The following MIS18A variants were observed in gnomAD, a reference collection of about 807,000 sequenced individuals.
The protein encoded by MIS18A is protein Mis18-alpha.
Under a neutral mutation model 25.0 loss-of-function variants are expected in MIS18A, and 14 were observed. The ratio of observed to expected loss-of-function variants is 0.56; its 90% CI spans 0.37 to 0.88. The LOEUF (loss-of-function observed/expected upper bound fraction) is 0.88. Ranked by LOEUF, MIS18A falls within the 40% of genes least tolerant of loss-of-function variation. The pLI, the probability that MIS18A is intolerant of heterozygous loss-of-function variation, is 0.00. For missense variants in MIS18A, 292 were observed against 290.8 expected (o/e 1.00, Z -0.03); for synonymous variants, 134 against 118.6 (o/e 1.13, Z -0.84).
chr21:32,254,813 C>T, the MIS18A span, among the ~76,000 whole-genome samples: 1 of 152,128 alleles, frequency 6.6e-6, no homozygotes, highest in Non-Finnish European at 1.5e-5. Context: ...CCACCAAATT[C>T]ACACAATCCA....
chr21:32,252,206 A>G, the MIS18A span, among the ~76,000 whole-genome samples: 15 of 105,098 alleles, frequency 1.4e-4, no homozygotes, highest in South Asian at 3.2e-4. Flanking sequence ...AGAGGAGGAG[A>G]AGAAGAAGAA....
the MIS18A span, among the ~76,000 whole-genome samples, chr21:32,165,507 A>G: frequency 0.029 from 4,361 of 151,922 alleles, 194 homozygotes; most frequent in African/African-American, 0.098. Context: ...GGCATGACAC[A>G]GCTCTGTAAA....
chr21:32,204,897 A>T, the MIS18A span, among the ~76,000 whole-genome samples: 1 of 152,154 alleles, frequency 6.6e-6, no homozygotes, highest in African/African-American at 2.4e-5. Context: ...AAACAAACAA[A>T]CATGTAATTT....
the MIS18A span, among the ~76,000 whole-genome samples, chr21:32,194,955 G>A: frequency 6.6e-6 from 1 of 152,098 alleles, no homozygotes; most frequent in Non-Finnish European, 1.5e-5. Flanking sequence ...TACCGTGTTC[G>A]GGTGATCCTG....
At chr21:32,195,293 A>C in the MIS18A span, among the ~76,000 whole-genome samples, 1 of 152,198 alleles carries the variant, frequency 6.6e-6, no homozygotes, top group African/African-American at 2.4e-5. Context: ...GGCACTATTC[A>C]TATTACTGAG....
At chr21:32,155,327 A>C in the MIS18A span, among the ~76,000 whole-genome samples, 3 of 152,018 alleles carry the variant, frequency 2.0e-5, no homozygotes, top group African/African-American at 7.2e-5. Context: ...TACAAATTGT[A>C]CATGCCCACC....
chr21:32,251,285 G>T, the MIS18A span, among the ~76,000 whole-genome samples: 23 of 152,174 alleles, frequency 1.5e-4, no homozygotes, highest in Non-Finnish European at 2.9e-4. Flanking sequence ...TGAGAAAACA[G>T]TATTTTGGGA....
chr21:32,239,360 G>C, the MIS18A span, among the ~76,000 whole-genome samples: 51 of 152,266 alleles, frequency 3.3e-4, 2 homozygotes, highest in African/African-American at 1.2e-3. Flanking sequence ...AAAGTGGAAA[G>C]CATTTATGCA....
chr21:32,182,512 A>C, the MIS18A span, among the ~76,000 whole-genome samples: 1 of 152,286 alleles, frequency 6.6e-6, no homozygotes, highest in Non-Finnish European at 1.5e-5. Flanking sequence ...CTCTGTAGAC[A>C]ATATCCATTT....
At chr21:32,205,055 A>C in the MIS18A span, among the ~76,000 whole-genome samples, 2 of 145,372 alleles carry the variant, frequency 1.4e-5, no homozygotes, top group African/African-American at 5.1e-5. Context: ...GCCTTTGCCT[A>C]CCTCAGTGAC....
chr21:32,164,790 G>A, the MIS18A span, among the ~76,000 whole-genome samples: 1 of 152,072 alleles, frequency 6.6e-6, no homozygotes, highest in South Asian at 2.1e-4. Context: ...TCAGGGGGTT[G>A]GGGAAAGGTA....
chr21:32,182,128 C>T, the MIS18A span, among the ~76,000 whole-genome samples: 1 of 152,280 alleles, frequency 6.6e-6, no homozygotes, highest in East Asian at 1.9e-4. Context: ...TTCCTTGGAG[C>T]AAACCGCAAA....
chr21:32,259,285 G>T, the MIS18A span, among the ~76,000 whole-genome samples: 3 of 152,152 alleles, frequency 2.0e-5, no homozygotes, highest in Admixed American at 2.0e-4. Context: ...CTCCAAGACC[G>T]CAGGCCTCTG....
chr21:32,250,032 G>T, the MIS18A span, among the ~76,000 whole-genome samples: 19 of 152,180 alleles, frequency 1.2e-4, no homozygotes, highest in South Asian at 3.7e-3. Context: ...TGAGAGAAAG[G>T]AGCAGCCAGA....
At chr21:32,220,746 G>C in the MIS18A span, among the ~76,000 whole-genome samples, 22 of 152,016 alleles carry the variant, frequency 1.4e-4, no homozygotes, top group Non-Finnish European at 2.5e-4. Context: ...AAGGTTACAG[G>C]ACTTGCTAAC....
chr21:32,256,436 C>T, the MIS18A span, among the ~76,000 whole-genome samples: 2 of 152,148 alleles, frequency 1.3e-5, no homozygotes, highest in Admixed American at 6.5e-5. Context: ...TGTCACACTC[C>T]GGTAGCTAAG....
the MIS18A span, among the ~76,000 whole-genome samples, chr21:32,233,300 G>C: frequency 6.6e-6 from 1 of 152,122 alleles, no homozygotes; most frequent in African/African-American, 2.4e-5. Context: ...CCAAGGTCTT[G>C]CACATCAATT....
At chr21:32,246,826 G>A in the MIS18A span, among the ~76,000 whole-genome samples, 1 of 152,204 alleles carries the variant, frequency 6.6e-6, no homozygotes, top group Non-Finnish European at 1.5e-5. Context: ...CAGACAAGCT[G>A]ATGATGGAGG....
the MIS18A span, among the ~76,000 whole-genome samples, chr21:32,157,400 T>G: frequency 6.6e-6 from 1 of 151,860 alleles, no homozygotes; most frequent in South Asian, 2.1e-4. Flanking sequence ...CCTTTGTCCA[T>G]TAGTGATTGT....
Sources: allele counts gnomAD v4.1 joint callset (sites outside exome capture counted in the v4.1 genomes callset), GRCh38; gene constraint gnomAD v4.1.1; transcripts MANE v1.5; gene names NCBI Gene and HGNC (gene_info 2026-07-23, HGNC 2026-07-21).